Variants in ARHGEF28 observed in about 807,000 individuals in gnomAD.
ARHGEF28 encodes Rho guanine nucleotide exchange factor 28.
ARHGEF28 carries 152 observed loss-of-function variants against 206.6 expected under a neutral mutation model. The ratio of observed to expected loss-of-function variants is 0.74; its 90% CI spans 0.64 to 0.84. ARHGEF28 has a LOEUF of 0.84. Among genes scored for constraint, ARHGEF28 ranks in the 40% least tolerant of loss-of-function variants. The pLI, the probability that ARHGEF28 is intolerant of heterozygous loss-of-function variation, is 0.00. For synonymous variants in ARHGEF28, 763 were observed against 776.4 expected (o/e 0.98, Z 0.29); for missense variants, 2,028 against 2,073.2 (o/e 0.98, Z 0.42).
intron 35 of ARHGEF28, among the ~76,000 whole-genome samples, chr5:73,939,848 C>T (rs1368651674): frequency 1.3e-5 from 2 of 152,060 alleles, no homozygotes; most frequent in African/African-American, 2.4e-5. Context: ...GAAAATGTGG[C>T]GAGGGTTACA....
chr5:73,687,625 G>T (rs1300281610), intron 2 of ARHGEF28, among the ~76,000 whole-genome samples: 3 of 152,118 alleles, frequency 2.0e-5, no homozygotes, highest in Non-Finnish European at 1.5e-5. Context: ...TTTTGGGGAA[G>T]AACCTGCTCT....
At chr5:73,879,065 G>A in intron 22 of ARHGEF28, among the ~76,000 whole-genome samples, 1 of 152,150 alleles carries the variant, frequency 6.6e-6, no homozygotes, top group East Asian at 1.9e-4. Context: ...GGTACACCAA[G>A]CAGACGCAGA....
intron 2 of ARHGEF28, among the ~76,000 whole-genome samples, chr5:73,708,127 A>G (rs923149336): frequency 3.3e-5 from 5 of 152,046 alleles, no homozygotes; most frequent in African/African-American, 9.7e-5. Flanking sequence ...AACTAGATAA[A>G]GAGTTTGTAT....
intron 6 of ARHGEF28, among the ~76,000 whole-genome samples, chr5:73,779,793 G>T (rs1753730843): frequency 6.6e-6 from 1 of 152,128 alleles, no homozygotes; most frequent in Admixed American, 6.5e-5. Context: ...GCCCATGGGG[G>T]GTGGGCAACC....
Position 73,753,201 on chromosome 5 carries a change from A to G in ARHGEF28, c.474A>G (p.Glu158=). The G allele has an allele frequency of 6.6e-7, 1 of 1,518,996 alleles. No individual in the cohort carries two copies. The highest frequency in any genetic ancestry group is 8.8e-7 in the Non-Finnish European group (1 of 1,135,576). 94.1% of individuals were successfully genotyped at this position (1,518,996 alleles called of 1,614,324 possible). Residue 158 remains glutamate (E), a splice_region_variant and synonymous_variant, in exon 4 of 36, where the codon GAA becomes GAG. Transcript: ENST00000513042. ...CTGTGTTGGGAAGTTCTTCACTTGA[A>G]GGTGGGTCATCACCAGAAAATTCAG... ...EWTVLGSSSL[E]VSSHRESLLH...
At position 73,825,642 on chromosome 5, in the gene ARHGEF28, G is replaced by T. The variant is rs80100822; in HGVS notation, c.1025-6696G>T. Among the ~76,000 whole-genome samples the T allele has an allele frequency of 4.5e-3, 678 of 152,312 alleles. 7 individuals carry two copies. The highest frequency in any genetic ancestry group is 0.015 in the African/African-American group (637 of 41,566). ...GAGTAGGAGCAGAGAGACTACTGTT[G>T]TAACAGTTTAGGAAGAAGACCGTGG... On this transcript the variant is annotated intron_variant, in intron 9 of 35. Transcript: ENST00000513042.
chr5:73,941,069 T>G lies in ARHGEF28; in HGVS notation c.*56T>G. ...ACACTGGCACTTTTGGGAGAAACTT[T>G]TTGTCTCCATTCCTTATGTATGTGT... On this transcript the variant is annotated 3_prime_UTR_variant, in exon 36 of 36. Coordinates refer to ENST00000513042, the MANE Select transcript of ARHGEF28 (RefSeq NM_001177693.2). The G allele has an allele frequency of 7.1e-7, 1 of 1,404,646 alleles. No homozygotes were observed. The highest frequency in any genetic ancestry group is 2.6e-5 in the East Asian group (1 of 37,802). 87.0% of individuals were successfully genotyped at this position (1,404,646 alleles called of 1,614,324 possible).
At chr5:73,628,367 A>G (rs540797560) in intron 1 of ARHGEF28, among the ~76,000 whole-genome samples, 2 of 152,348 alleles carry the variant, frequency 1.3e-5, no homozygotes, top group African/African-American at 4.8e-5. Flanking sequence ...CCAGTTTATG[A>G]CCAAGGACTG....
intron 1 of ARHGEF28, among the ~76,000 whole-genome samples, chr5:73,671,779 G>A (rs1314839484): frequency 1.7e-4 from 12 of 72,534 alleles, no homozygotes; most frequent in Non-Finnish European, 2.1e-4. Context: ...TTTTTGAGAC[G>A]GAATCTCGCT....
In ARHGEF28 at chr5:73,830,552, CA is replaced by C. The variant is rs1465082325; in HGVS notation, c.1025-1779del. Among the ~76,000 whole-genome samples the C allele has an allele frequency of 4.4e-3, 328 of 75,002 alleles. 2 individuals are homozygous for C. Among genetic ancestry groups the C allele is most frequent in the Non-Finnish European group, 6.7e-3 (272 of 40,744 alleles). The allele number at this position is 75,002 out of a possible 152,430, so 49.2% of individuals were successfully genotyped here. A position where few individuals can be genotyped will look rare whatever the true frequency, so the allele number is the denominator to read the frequency against. On this transcript the variant is annotated intron_variant, in intron 9 of 35. Coordinates refer to ENST00000513042, the MANE Select transcript of ARHGEF28 (RefSeq NM_001177693.2). ...CTGGTGACAGAGCGAAACTCCATCT[CA>C]AAAAAAGAAAAAAAAAAAAAAAAAG...
chr5:73,932,370 A>C (rs1247190173), intron 35 of ARHGEF28, among the ~76,000 whole-genome samples: 1 of 152,120 alleles, frequency 6.6e-6, no homozygotes, highest in Non-Finnish European at 1.5e-5. Flanking sequence ...AATTTGGGTA[A>C]ATCTATGGGA....
chr5:73,691,295 G>GCA (rs1200393647), intron 2 of ARHGEF28, among the ~76,000 whole-genome samples: 2 of 86,606 alleles, frequency 2.3e-5, no homozygotes, highest in East Asian at 7.2e-4. Context: ...TGGCAAATGT[G>GCA]TACACACACA....
At chr5:73,743,161 C>T (rs957493547) in intron 2 of ARHGEF28, among the ~76,000 whole-genome samples, 1 of 152,038 alleles carries the variant, frequency 6.6e-6, no homozygotes, top group Non-Finnish European at 1.5e-5. Flanking sequence ...GTATTTCTTT[C>T]GGTGCTGGTC....
chr5:73,858,835 G>A (rs1381130199), intron 16 of ARHGEF28, among the ~76,000 whole-genome samples: 3 of 152,188 alleles, frequency 2.0e-5, no homozygotes, highest in Non-Finnish European at 4.4e-5. Flanking sequence ...TATACCTCAA[G>A]TATAGACTGA....
At chr5:73,665,669 C>T (rs1007508894) in intron 1 of ARHGEF28, among the ~76,000 whole-genome samples, 1 of 152,052 alleles carries the variant, frequency 6.6e-6, no homozygotes, top group Non-Finnish European at 1.5e-5. Flanking sequence ...GGGGGCCAAA[C>T]GTCCTTTTAT....
chr5:73,832,596 T>C, intron 10 of ARHGEF28, 137 bp downstream of exon 10: 1 of 1,221,228 alleles, frequency 8.2e-7, no homozygotes, highest in South Asian at 1.7e-5. Flanking sequence ...TTGTGGGGTC[T>C]CATTGTATGA....
chr5:73,699,172 T>G (rs1231935779), intron 2 of ARHGEF28, among the ~76,000 whole-genome samples: 1 of 151,736 alleles, frequency 6.6e-6, no homozygotes, highest in African/African-American at 2.4e-5. Context: ...TGTGTATGTG[T>G]GTGTGTGTGT....
intron 2 of ARHGEF28, among the ~76,000 whole-genome samples, chr5:73,687,071 C>T (rs1747521915): frequency 1.3e-5 from 2 of 152,094 alleles, no homozygotes; most frequent in Admixed American, 6.6e-5. Flanking sequence ...ACCTTGGTTA[C>T]AGGGGTTCAT....
At chr5:73,671,844 C>T (rs1023656029) in intron 1 of ARHGEF28, among the ~76,000 whole-genome samples, 2 of 145,764 alleles carry the variant, frequency 1.4e-5, no homozygotes, top group Admixed American at 1.4e-4. Context: ...CAACCTCCGC[C>T]TCCCGGTTTC....
Sources: gnomAD v4.1 joint callset for allele counts (sites outside exome capture counted in the v4.1 genomes callset) on GRCh38, gnomAD v4.1.1 for gene constraint, MANE v1.5 for transcripts, NCBI Gene and HGNC (gene_info 2026-07-23, HGNC 2026-07-21) for gene names.